Variants in HSPA14 observed in about 807,000 individuals in gnomAD.
HSPA14 encodes the protein heat shock protein family A (Hsp70) member 14, also known as heat shock 70 kDa protein 14.
A neutral mutation model predicts 65.5 loss-of-function variants in HSPA14; 37 were observed. The ratio of observed to expected loss-of-function variants is 0.56; its 90% confidence interval spans 0.43 to 0.74. The LOEUF is 0.74. Ranked by LOEUF, HSPA14 falls within the 30% of genes least tolerant of loss-of-function variation. HSPA14 has a pLI of 0.00. For missense variants in HSPA14, 564 were observed against 607.6 expected (o/e 0.93, Z 0.75); for synonymous variants, 203 against 214.2 (o/e 0.95, Z 0.46).
chr10:14,863,899 T>G (rs1279710666), intron 10 of HSPA14, among the ~76,000 whole-genome samples: 2 of 152,088 alleles, frequency 1.3e-5, no homozygotes, highest in African/African-American at 4.8e-5. Context: ...ATTGTTGTCA[T>G]GAGAAGAAAG....
intron 10 of HSPA14, among the ~76,000 whole-genome samples, chr10:14,864,455 A>G (rs903169714): frequency 6.6e-6 from 1 of 151,968 alleles, no homozygotes; most frequent in African/African-American, 2.4e-5. Flanking sequence ...TACATTAGGC[A>G]TATCTCCTAA....
intron 10 of HSPA14, among the ~76,000 whole-genome samples, chr10:14,866,118 C>T (rs1285678050): frequency 1.3e-5 from 2 of 152,130 alleles, no homozygotes; most frequent in African/African-American, 4.8e-5. Flanking sequence ...TTTGAAAAGG[C>T]ATATTCTGCA....
At chr10:14,864,270 G>GT (rs748502763) in intron 10 of HSPA14, among the ~76,000 whole-genome samples, 13,310 of 132,750 alleles carry the variant, frequency 0.1, 760 homozygotes, top group Admixed American at 0.15. Flanking sequence ...TCCAAGGTTG[G>GT]TTTTTTTTTT....
chr10:14,854,876 G>A (rs1273041905), intron 9 of HSPA14, among the ~76,000 whole-genome samples: 1 of 152,226 alleles, frequency 6.6e-6, no homozygotes, highest in East Asian at 1.9e-4. Context: ...CAGTTCCTCA[G>A]TAGCACTAGC....
At chr10:14,861,907 G>T (rs1347494667) in intron 10 of HSPA14, among the ~76,000 whole-genome samples, 3 of 151,676 alleles carry the variant, frequency 2.0e-5, no homozygotes, top group Non-Finnish European at 4.4e-5. Context: ...AGCTACTTGG[G>T]AGGCTGAGGC....
Position 14,839,993 on chromosome 10 carries a change from T to TC in HSPA14, c.138+14dup. On this transcript the variant is annotated intron_variant, in intron 2 of 13. Transcript: ENST00000378372. ...TACTCAGAAAATGAAGAGGTACTAG[T>TC]CCCCCCATTTTTGTACTTCTGAAAT... The TC allele has an allele frequency of 6.3e-7, 1 of 1,599,234 alleles. No individual in the cohort carries two copies. Among genetic ancestry groups the TC allele is most frequent in the Non-Finnish European group, 8.5e-7 (1 of 1,169,790 alleles).
chr10:14,840,898 G>A (rs1429824222), intron 3 of HSPA14, among the ~76,000 whole-genome samples: 1 of 152,128 alleles, frequency 6.6e-6, no homozygotes, highest in Non-Finnish European at 1.5e-5. Flanking sequence ...CCCATTTATA[G>A]ATGAGAAAAT....
intron 8 of HSPA14, among the ~76,000 whole-genome samples, chr10:14,853,784 A>G (rs1029977521): frequency 4.6e-5 from 7 of 152,138 alleles, no homozygotes; most frequent in African/African-American, 1.7e-4. Flanking sequence ...CAGTGGTGCA[A>G]TCTCGGCTCA....
At chr10:14,839,846 C>G in intron 1 of HSPA14, 59 bp from the exon 2 acceptor site, 1 of 1,286,048 alleles carries the variant, frequency 7.8e-7, no homozygotes, top group Non-Finnish European at 1.1e-6. Flanking sequence ...CACTGGTGCA[C>G]AAATGCACAC....
At chr10:14,850,065 G>A (rs1169169635) in intron 6 of HSPA14, among the ~76,000 whole-genome samples, 2 of 152,182 alleles carry the variant, frequency 1.3e-5, no homozygotes, top group Non-Finnish European at 2.9e-5. Flanking sequence ...CCTGAGGTCA[G>A]GAGTTCGAGA....
Position 14,867,189 on chromosome 10 carries a change from T to C in HSPA14, c.1100T>C (p.Ile367Thr). 1.2e-6 allele frequency: 2 copies of C among 1,613,234 alleles called. No individual in the cohort carries two copies. Among genetic ancestry groups the C allele is most frequent in the Non-Finnish European group, 1.7e-6 (2 of 1,179,264 alleles). ...LLNSIPPDEVIPIGAAIEAGI... is the reference protein window; with the variant it reads ...LLNSIPPDEVTPIGAAIEAGI... ...AATTCTATCCCTCCTGATGAAGTGA[T>C]CCCTATTGGTGCAGCTATAGAAGCA... The change falls in exon 11 of 14, where the codon ATC becomes ACC. Residue 367 changes from isoleucine (I) to threonine (T), a missense_variant. By Grantham distance (89) the Ile-to-Thr change is moderately conservative. Coordinates refer to ENST00000378372, the MANE Select transcript of HSPA14 (RefSeq NM_016299.4).
intron 11 of HSPA14, 42 bp from the exon 12 acceptor site, chr10:14,867,694 G>T: frequency 6.4e-7 from 1 of 1,559,608 alleles, no homozygotes; most frequent in South Asian, 1.2e-5. Flanking sequence ...CAATTGTAAA[G>T]ATAAATACCA....
chr10:14,858,392 G>A (rs1832725414), intron 10 of HSPA14, among the ~76,000 whole-genome samples: 1 of 152,198 alleles, frequency 6.6e-6, no homozygotes, highest in Admixed American at 6.5e-5. Flanking sequence ...CTAAGACACA[G>A]GCTTTTGAGA....
At chr10:14,861,761 C>T (rs1832751636) in intron 10 of HSPA14, among the ~76,000 whole-genome samples, 1 of 152,002 alleles carries the variant, frequency 6.6e-6, no homozygotes, top group Admixed American at 6.5e-5. Flanking sequence ...CACCTGTAAC[C>T]CCAGCACATT....
intron 10 of HSPA14, among the ~76,000 whole-genome samples, chr10:14,858,335 A>G (rs1411983509): frequency 6.6e-6 from 1 of 152,148 alleles, no homozygotes; most frequent in Non-Finnish European, 1.5e-5. Context: ...GAGGCGGAAT[A>G]GTTTTAGGTT....
chr10:14,865,408 C>A (rs1238745056), intron 10 of HSPA14, among the ~76,000 whole-genome samples: 1 of 151,944 alleles, frequency 6.6e-6, no homozygotes, highest in Non-Finnish European at 1.5e-5. Context: ...ATGCCTATGT[C>A]CTGAATGGTA....
In HSPA14 at chr10:14,867,146, C is replaced by G. The variant is rs760955481; in HGVS notation, c.1057C>G (p.Pro353Ala). ...KLQQLIKDLF[P>A]AVELLNSIPP... Reference sequence around the variant, plus strand: ...ACAGCAACTGATTAAAGATCTTTTCCCAGCTGTTGAGCTTCTCAATTCTAT... The same window carrying G: ...ACAGCAACTGATTAAAGATCTTTTCGCAGCTGTTGAGCTTCTCAATTCTAT... Residue 353 changes from proline (P) to alanine (A), a missense_variant, in exon 11 of 14, where the codon CCA (proline) becomes GCA (alanine). Transcript: ENST00000378372. 19 of 1,613,604 alleles carry G rather than the reference C, an allele frequency of 1.2e-5. No individual in the cohort carries two copies. Among genetic ancestry groups the G allele is most frequent in the Non-Finnish European group, 1.6e-5 (19 of 1,179,800 alleles).
chr10:14,871,601 T>C lies in HSPA14; in HGVS notation c.1525T>C (p.Ser509Pro). Reference protein sequence around the residue: ...KCEAISIEIAS With the variant: ...KCEAISIEIAP The stretch of plus-strand genomic sequence containing the variant: ...TGAAGCAATCTCTATTGAGATAGCA[T>C]CTTAGTGTTTTAGAGAAATCAAGAA... The change falls in exon 14 of 14, where the codon TCT becomes CCT. Residue 509 changes from serine to proline, a missense_variant. Physicochemically the swap from Ser to Pro is moderately conservative, Grantham distance 74. Coordinates refer to ENST00000378372, the MANE Select transcript of HSPA14 (RefSeq NM_016299.4). The C allele has an allele frequency of 1.3e-6, 2 of 1,544,636 alleles. No individual in the cohort carries two copies. Among genetic ancestry groups the C allele is most frequent in the Admixed American group, 1.8e-5 (1 of 54,760 alleles).
At chr10:14,859,853 C>T (rs1420840015) in intron 10 of HSPA14, among the ~76,000 whole-genome samples, 2 of 152,108 alleles carry the variant, frequency 1.3e-5, no homozygotes, top group African/African-American at 4.8e-5. Context: ...TTTTAAAGTT[C>T]TCTTTGTTTA....
Sources: allele counts gnomAD v4.1 joint callset (sites outside exome capture counted in the v4.1 genomes callset), GRCh38; gene constraint gnomAD v4.1.1; transcripts MANE v1.5; gene names NCBI Gene and HGNC (gene_info 2026-07-23, HGNC 2026-07-21).